KCNH7: variants seen among roughly 807,000 people sequenced by gnomAD.
KCNH7 encodes potassium voltage-gated channel subfamily H member 7.
Under a neutral mutation model 120.8 loss-of-function variants are expected in KCNH7, and 49 were observed. The ratio of observed to expected loss-of-function variants is 0.41; its 90% confidence interval spans 0.32 to 0.51. KCNH7 has a LOEUF of 0.51. Among genes scored for constraint, KCNH7 ranks in the 20% least tolerant of loss-of-function variants. The probability of loss-of-function intolerance (pLI) is 0.38; values close to 1 mark genes in which losing one functional copy is unlikely to be tolerated. For missense variants in KCNH7, 1,097 were observed against 1,446.6 expected (o/e 0.76, Z 3.92); for synonymous variants, 547 against 516.1 (o/e 1.06, Z -0.81).
At chr2:162,815,219 T>G (rs1684877795) in intron 2 of KCNH7, among the ~76,000 whole-genome samples, 1 of 152,212 alleles carries the variant, frequency 6.6e-6, no homozygotes, top group African/African-American at 2.4e-5. Flanking sequence ...ACATTCTGGC[T>G]GTTTATAATA....
At chr2:162,509,026 G>A (rs1690977244) in intron 5 of KCNH7, among the ~76,000 whole-genome samples, 1 of 151,312 alleles carries the variant, frequency 6.6e-6, no homozygotes, top group East Asian at 2.0e-4. Context: ...AGGAGAAGGT[G>A]GAAAACAGGT....
At chr2:162,740,878 T>G (rs1257424170) in intron 2 of KCNH7, among the ~76,000 whole-genome samples, 7 of 152,198 alleles carry the variant, frequency 4.6e-5, no homozygotes, top group Admixed American at 4.6e-4. Context: ...GATCTTATGG[T>G]CAGTGTGTAC....
chr2:162,516,356 C>T (rs1338839987), intron 4 of KCNH7, among the ~76,000 whole-genome samples: 1 of 151,662 alleles, frequency 6.6e-6, no homozygotes, highest in African/African-American at 2.4e-5. Context: ...AAATGGGTCC[C>T]TGCTGCTGAG....
At chr2:162,647,288 T>C (rs1684397026) in intron 2 of KCNH7, among the ~76,000 whole-genome samples, 1 of 152,142 alleles carries the variant, frequency 6.6e-6, no homozygotes, top group Non-Finnish European at 1.5e-5. Flanking sequence ...TGTTGGTGTG[T>C]ATGTGTTCCA....
chr2:162,570,359 CT>C (rs1401120053), intron 2 of KCNH7, among the ~76,000 whole-genome samples: 2 of 151,570 alleles, frequency 1.3e-5, no homozygotes, highest in African/African-American at 4.8e-5. Flanking sequence ...CAACCCTTGC[CT>C]TTTTTTGTTT....
intron 2 of KCNH7, among the ~76,000 whole-genome samples, chr2:162,562,873 A>G (rs181031359): frequency 2.2e-4 from 34 of 152,292 alleles, no homozygotes; most frequent in Middle Eastern, 3.4e-3. Context: ...ATTGGGTGCC[A>G]CACTTGCGTC....
chr2:162,816,824 G>A (rs796465918), intron 2 of KCNH7, among the ~76,000 whole-genome samples: 100 of 152,150 alleles, frequency 6.6e-4, no homozygotes, highest in African/African-American at 2.1e-3. Flanking sequence ...ACTATATCAG[G>A]ATATTTCTAG....
At chr2:162,716,410 T>A (rs1687127068) in intron 2 of KCNH7, among the ~76,000 whole-genome samples, 1 of 152,208 alleles carries the variant, frequency 6.6e-6, no homozygotes, top group Non-Finnish European at 1.5e-5. Context: ...TACTGTTTTG[T>A]CTTCTGTGAC....
chr2:162,372,646 C>G (rs533250569), intron 15 of KCNH7, among the ~76,000 whole-genome samples: 3 of 152,076 alleles, frequency 2.0e-5, no homozygotes, highest in Non-Finnish European at 4.4e-5. Context: ...ATTACCTTCT[C>G]TTATTAGTGT....
chr2:162,679,006 A>C (rs1260807225), intron 2 of KCNH7, among the ~76,000 whole-genome samples: 4 of 151,688 alleles, frequency 2.6e-5, no homozygotes, highest in Non-Finnish European at 5.9e-5. Flanking sequence ...ATATTCCAAC[A>C]TGAACTTTCA....
At position 162,394,668 on chromosome 2, in the gene KCNH7, A is replaced by G. The variant is rs529141366; in HGVS notation, c.2614-183T>C. Among the ~76,000 whole-genome samples the G allele has an allele frequency of 2.6e-5, 4 of 152,096 alleles. No homozygotes were observed. In the East Asian group the frequency reaches 7.8e-4, roughly 30 times the overall value. The stretch of plus-strand genomic sequence containing the variant: ...TCTCTTTATTGTAACATACACAGAT[A>G]GAATAATTTTTAGTACTTTCACCAT... On this transcript the variant is annotated intron_variant, in intron 11 of 15. Coordinates refer to ENST00000332142, the MANE Select transcript of KCNH7 (RefSeq NM_033272.4).
At chr2:162,507,374 A>C (rs929462931) in intron 5 of KCNH7, among the ~76,000 whole-genome samples, 1 of 151,676 alleles carries the variant, frequency 6.6e-6, no homozygotes, top group South Asian at 2.1e-4. Context: ...ATATCTTCCT[A>C]TGTATGTAAA....
intron 14 of KCNH7, among the ~76,000 whole-genome samples, chr2:162,377,281 T>C (rs879455131): frequency 6.7e-6 from 1 of 148,976 alleles, no homozygotes; most frequent in East Asian, 1.9e-4. Context: ...AAAAAAAGTG[T>C]GAAAATATCA....
intron 2 of KCNH7, among the ~76,000 whole-genome samples, chr2:162,792,404 A>C (rs961164639): frequency 6.6e-6 from 1 of 152,070 alleles, no homozygotes; most frequent in Non-Finnish European, 1.5e-5. Context: ...TTGTGAATCC[A>C]TCTGGCCCTG....
At chr2:162,834,619 C>T (rs1323340947) in intron 2 of KCNH7, among the ~76,000 whole-genome samples, 1 of 151,902 alleles carries the variant, frequency 6.6e-6, no homozygotes, top group East Asian at 1.9e-4. Flanking sequence ...TTGTATTTGT[C>T]AATATACTAA....
rs924192019 is a variant in KCNH7 at position 162,593,531 on chromosome 2, T to G, written c.308-56451A>C. Among the ~76,000 whole-genome samples, 6 of 152,054 alleles carry G rather than the reference T, an allele frequency of 3.9e-5. No individual in the cohort carries two copies. The East Asian group carries it at 1.2e-3, about 29-fold the overall frequency. Reference sequence around the variant, plus strand: ...CTTCCAGAAAAGACACTGTATGTCATTCTGAAATGCCACCTTCAATATTGT... The same window carrying G: ...CTTCCAGAAAAGACACTGTATGTCAGTCTGAAATGCCACCTTCAATATTGT... On this transcript the variant is annotated intron_variant, in intron 2 of 15. Transcript: ENST00000332142.
chr2:162,744,015 T>C (rs992061891), intron 2 of KCNH7, among the ~76,000 whole-genome samples: 2 of 152,128 alleles, frequency 1.3e-5, no homozygotes, highest in African/African-American at 4.8e-5. Context: ...GAGAGACTAG[T>C]TTTCTACTTC....
rs529925390 is a variant in KCNH7, at chr2:162,460,500, G to A, written c.1129-14057C>T. On this transcript the variant is annotated intron_variant, in intron 6 of 15. Transcript: ENST00000332142. ...TAGTTCATCAATGCCTTGTCTTTTA[G>A]AAGAGAAGAAATACAGAGACAGAAA... 6.6e-5 allele frequency among the ~76,000 whole-genome samples: 10 copies of A among 152,290 alleles called. No individual in the cohort carries two copies. The South Asian group carries it at 2.1e-3, about 32-fold the overall frequency.
intron 2 of KCNH7, among the ~76,000 whole-genome samples, chr2:162,548,010 T>G (rs1239264847): frequency 6.6e-6 from 1 of 152,026 alleles, no homozygotes; most frequent in Non-Finnish European, 1.5e-5. Context: ...GTAAAGGTAT[T>G]TTTTTCCCTA....
Sources: gnomAD v4.1 joint callset for allele counts (sites outside exome capture counted in the v4.1 genomes callset) on GRCh38, gnomAD v4.1.1 for gene constraint, MANE v1.5 for transcripts, NCBI Gene and HGNC (gene_info 2026-07-23, HGNC 2026-07-21) for gene names.